The following GALNT13 variants were observed in gnomAD, a reference collection of about 807,000 sequenced individuals.
The protein encoded by GALNT13 is UDP-GalNAc:polypeptide N-acetylgalactosaminyltransferase 13.
GALNT13 carries 28 observed loss-of-function variants against 64.2 expected under a neutral mutation model. The observed-to-expected ratio is 0.44, with a 90% CI of 0.32 to 0.60. The LOEUF is 0.60. GALNT13 is among the 20% of genes least tolerant of loss of function. GALNT13 has a pLI of 0.05. For missense variants in GALNT13, 577 were observed against 669.8 expected, an observed-to-expected ratio of 0.86 and a Z score of 1.53; for synonymous variants, 214 against 224.6, an observed-to-expected ratio of 0.95 and a Z score of 0.42.
At chr2:153,758,375 T>G in the GALNT13 span, among the ~76,000 whole-genome samples, 1 of 152,060 alleles carries the variant, frequency 6.6e-6, no homozygotes, top group Non-Finnish European at 1.5e-5. Flanking sequence ...AGTACCATGC[T>G]GTTTTAATTA....
intron 8 of GALNT13, among the ~76,000 whole-genome samples, chr2:154,264,970 T>TA (rs147717890): frequency 6.7e-6 from 1 of 148,696 alleles, no homozygotes; most frequent in African/African-American, 2.5e-5. Flanking sequence ...ACCTATATGA[T>TA]AAAAAAAAAT....
rs151212993 is a variant in GALNT13 at position 154,168,455 on chromosome 2, T to C, written c.311+27950T>C. 6.6e-5 allele frequency among the ~76,000 whole-genome samples: 10 copies of C among 152,200 alleles called. 1 individual carries two copies. In the East Asian group the frequency reaches 1.9e-3, roughly 29 times the overall value. On this transcript the variant is annotated intron_variant, in intron 4 of 12. Coordinates refer to ENST00000392825, the MANE Select transcript of GALNT13 (RefSeq NM_052917.4). ...TAATTTCATCTAAAAAATACCACTA[T>C]AGAAACATCTAAAATAATGTTTGAC...
At chr2:153,104,473 AAAC>A in the GALNT13 span, among the ~76,000 whole-genome samples, 1 of 152,176 alleles carries the variant, frequency 6.6e-6, no homozygotes, top group African/African-American at 2.4e-5. Flanking sequence ...TCCTGACAAA[AAAC>A]AATGAAAAGG....
the GALNT13 span, among the ~76,000 whole-genome samples, chr2:153,808,728 C>T: frequency 3.9e-5 from 6 of 152,174 alleles, no homozygotes; most frequent in Non-Finnish European, 8.8e-5. Context: ...AATGCTTTGA[C>T]CCAACCTATT....
At chr2:153,463,743 A>G in the GALNT13 span, among the ~76,000 whole-genome samples, 1 of 152,088 alleles carries the variant, frequency 6.6e-6, no homozygotes, top group Non-Finnish European at 1.5e-5. Context: ...TTATCTCTGG[A>G]TCCATAGAGG....
chr2:153,587,713 T>G, the GALNT13 span, among the ~76,000 whole-genome samples: 1 of 152,304 alleles, frequency 6.6e-6, no homozygotes, highest in South Asian at 2.1e-4. Flanking sequence ...ATCATTCCAC[T>G]GCTGGCCCCT....
chr2:153,399,937 C>T, the GALNT13 span, among the ~76,000 whole-genome samples: 3 of 151,472 alleles, frequency 2.0e-5, no homozygotes, highest in African/African-American at 7.2e-5. Flanking sequence ...GCCTAATTGC[C>T]CTGGCCAGAA....
intron 1 of GALNT13, among the ~76,000 whole-genome samples, chr2:153,882,352 G>A (rs1686842516): frequency 1.3e-5 from 2 of 151,960 alleles, no homozygotes; most frequent in African/African-American, 4.8e-5. Flanking sequence ...AGATGAAATA[G>A]CCTTGTATTC....
At chr2:154,280,625 C>T (rs1691912411) in intron 8 of GALNT13, among the ~76,000 whole-genome samples, 1 of 152,160 alleles carries the variant, frequency 6.6e-6, no homozygotes, top group Non-Finnish European at 1.5e-5. Flanking sequence ...TTCTTTTCCA[C>T]TCAAGTTCTT....
the GALNT13 span, chr2:153,420,911 C>A: frequency 4.9e-6 from 1 of 205,278 alleles, no homozygotes; most frequent in Admixed American, 5.2e-5. Flanking sequence ...TTATGTTGGC[C>A]AGATTTCCAG....
the GALNT13 span, among the ~76,000 whole-genome samples, chr2:153,785,159 G>A: frequency 2.6e-5 from 4 of 152,126 alleles, no homozygotes; most frequent in South Asian, 4.1e-4. Flanking sequence ...TTGCTTTCAG[G>A]CTTTGGAGAG....
chr2:153,564,165 A>AT, the GALNT13 span, among the ~76,000 whole-genome samples: 9 of 151,470 alleles, frequency 5.9e-5, no homozygotes, highest in African/African-American at 1.9e-4. Context: ...TCGTCACTAG[A>AT]TTTTTTTGCA....
At chr2:154,079,019 T>C (rs544599416) in intron 3 of GALNT13, among the ~76,000 whole-genome samples, 1 of 151,820 alleles carries the variant, frequency 6.6e-6, no homozygotes, top group African/African-American at 2.4e-5. Context: ...CATTTCAAGA[T>C]AATTTCCTTG....
the GALNT13 span, among the ~76,000 whole-genome samples, chr2:153,259,030 A>T: frequency 6.6e-6 from 1 of 152,194 alleles, no homozygotes; most frequent in African/African-American, 2.4e-5. Context: ...GATCTGTCCA[A>T]TGCTGACAAT....
chr2:153,419,224 A>G, the GALNT13 span, among the ~76,000 whole-genome samples: 1 of 152,196 alleles, frequency 6.6e-6, no homozygotes, highest in Non-Finnish European at 1.5e-5. Flanking sequence ...AGTGCCGAGC[A>G]AAAGGGGCTT....
At chr2:153,720,437 A>G in the GALNT13 span, among the ~76,000 whole-genome samples, 1 of 151,856 alleles carries the variant, frequency 6.6e-6, no homozygotes, top group Non-Finnish European at 1.5e-5. Context: ...GTTCCTCACC[A>G]GCAACGGAAC....
intron 12 of GALNT13, among the ~76,000 whole-genome samples, chr2:154,443,779 C>T (rs369219808): frequency 1.3e-5 from 2 of 151,994 alleles, no homozygotes; most frequent in Admixed American, 6.6e-5. Flanking sequence ...GTTAGTCAAA[C>T]TTGCAAATAT....
At chr2:153,401,287 G>C in the GALNT13 span, among the ~76,000 whole-genome samples, 1 of 151,744 alleles carries the variant, frequency 6.6e-6, no homozygotes, top group Non-Finnish European at 1.5e-5. Flanking sequence ...TGTGGTCTGA[G>C]AGATAGTTTG....
the GALNT13 span, among the ~76,000 whole-genome samples, chr2:153,462,116 T>C: frequency 6.6e-6 from 1 of 152,050 alleles, no homozygotes; most frequent in African/African-American, 2.4e-5. Flanking sequence ...CTTTTTTTTT[T>C]CCTAGAAGCT....
Sources: allele counts gnomAD v4.1 joint callset (sites outside exome capture counted in the v4.1 genomes callset), GRCh38; gene constraint gnomAD v4.1.1; transcripts MANE v1.5; gene names NCBI Gene and HGNC (gene_info 2026-07-23, HGNC 2026-07-21).